The following FAF1 variants were observed in gnomAD, a reference collection of about 807,000 sequenced individuals.
FAF1 encodes the protein Fas associated factor 1.
A neutral mutation model predicts 92.5 loss-of-function variants in FAF1; 25 were observed. That is an observed-to-expected ratio of 0.27 (90% CI 0.20 to 0.38). The LOEUF is 0.38. Among genes scored for constraint, FAF1 ranks in the 10% least tolerant of loss-of-function variants. The pLI, the probability that FAF1 is intolerant of heterozygous loss-of-function variation, is 1.00. For missense variants in FAF1, 636 were observed against 793.3 expected, an observed-to-expected ratio of 0.80 and a Z score of 2.38; for synonymous variants, 234 against 273.2, an observed-to-expected ratio of 0.86 and a Z score of 1.42.
intron 15 of FAF1, among the ~76,000 whole-genome samples, chr1:50,530,200 C>A (rs1475344750): frequency 6.6e-6 from 1 of 150,628 alleles, no homozygotes; most frequent in African/African-American, 2.4e-5. Context: ...CTTAACAGAA[C>A]TACTGACCAG....
chr1:50,721,256 G>C (rs1297488312), intron 6 of FAF1, among the ~76,000 whole-genome samples: 1 of 151,568 alleles, frequency 6.6e-6, no homozygotes, highest in South Asian at 2.1e-4. Flanking sequence ...TAAGTGAGAC[G>C]AGTCTCACTC....
chr1:50,757,038 T>A (rs74683936), intron 4 of FAF1, among the ~76,000 whole-genome samples: 1 of 152,228 alleles, frequency 6.6e-6, no homozygotes, highest in Non-Finnish European at 1.5e-5. Flanking sequence ...TTTAGGAATA[T>A]GTTGTTTAAT....
At chr1:50,825,599 G>C (rs1644089278) in intron 2 of FAF1, among the ~76,000 whole-genome samples, 1 of 151,870 alleles carries the variant, frequency 6.6e-6, no homozygotes, top group Non-Finnish European at 1.5e-5. Flanking sequence ...ATATCTACCA[G>C]TAATTGATAG....
intron 1 of FAF1, among the ~76,000 whole-genome samples, chr1:50,912,193 A>G (rs2124723429): frequency 6.6e-6 from 1 of 152,338 alleles, no homozygotes; most frequent in South Asian, 2.1e-4. Flanking sequence ...TAGACAAGTC[A>G]CTATTACAGA....
intron 4 of FAF1, among the ~76,000 whole-genome samples, chr1:50,775,479 G>A (rs1660923868): frequency 6.6e-6 from 1 of 152,062 alleles, no homozygotes; most frequent in Non-Finnish European, 1.5e-5. Flanking sequence ...TGTCCAGAAA[G>A]GTTAGGAAAG....
chr1:50,858,045 G>C, intron 1 of FAF1, 48 bp from the exon 2 acceptor site: 1 of 1,359,860 alleles, frequency 7.4e-7, no homozygotes, highest in Non-Finnish European at 1.0e-6. Context: ...TAGAAATAGG[G>C]AGGTAAATCA....
chr1:50,476,385 T>C (rs1232497041), intron 17 of FAF1, among the ~76,000 whole-genome samples: 1 of 152,232 alleles, frequency 6.6e-6, no homozygotes. Flanking sequence ...GCTATGGGAT[T>C]TGGCCAAATC....
intron 1 of FAF1, among the ~76,000 whole-genome samples, chr1:50,943,996 TC>T (rs1401696317): frequency 6.6e-6 from 1 of 152,208 alleles, no homozygotes; most frequent in Non-Finnish European, 1.5e-5. Context: ...GAACAGTGAG[TC>T]TAGTCCTTGT....
chr1:50,693,417 CCA>C (rs1657027321), intron 7 of FAF1, among the ~76,000 whole-genome samples: 1 of 152,000 alleles, frequency 6.6e-6, no homozygotes, highest in Admixed American at 6.6e-5. Context: ...TATGCTGGTT[CCA>C]CAGTCTTAAT....
intron 13 of FAF1, among the ~76,000 whole-genome samples, chr1:50,565,204 G>A (rs75101698): frequency 0.012 from 1,761 of 152,138 alleles, 12 homozygotes; most frequent in Non-Finnish European, 0.017. Flanking sequence ...GAATAAGGAT[G>A]CCAAGTATCT....
At chr1:50,508,299 T>TC (rs1262795971) in intron 15 of FAF1, among the ~76,000 whole-genome samples, 3 of 152,238 alleles carry the variant, frequency 2.0e-5, no homozygotes, top group Admixed American at 6.5e-5. Flanking sequence ...GTTCACTGCA[T>TC]CATTATTCAC....
At chr1:50,597,157 C>A (rs1457887962) in intron 8 of FAF1, among the ~76,000 whole-genome samples, 7 of 152,094 alleles carry the variant, frequency 4.6e-5, no homozygotes, top group Non-Finnish European at 1.0e-4. Context: ...GGTGGCTCAA[C>A]AAACATTACT....
rs1042929424 is a variant in FAF1 at position 50,760,883 on chromosome 1, A to T, written c.368-16108T>A. 3.5e-4 allele frequency among the ~76,000 whole-genome samples: 54 copies of T among 152,250 alleles called. 4 individuals are homozygous for T. The highest frequency in any genetic ancestry group is 1.3e-3 in the African/African-American group (53 of 41,580). Reference sequence around the variant, plus strand: ...AGAGACACAAAAAACCCTTCAAAAAATTAATGAATCCAGGAGCTGGTTTTT... The same window carrying T: ...AGAGACACAAAAAACCCTTCAAAAATTTAATGAATCCAGGAGCTGGTTTTT... On this transcript the variant is annotated intron_variant, in intron 4 of 18. Coordinates refer to ENST00000396153, the MANE Select transcript of FAF1 (RefSeq NM_007051.3).
intron 1 of FAF1, among the ~76,000 whole-genome samples, chr1:50,931,810 C>T (rs1376126702): frequency 6.6e-6 from 1 of 151,350 alleles, no homozygotes; most frequent in East Asian, 1.9e-4. Flanking sequence ...GGAGGCAGAG[C>T]TTGAAGTAAG....
intron 7 of FAF1, among the ~76,000 whole-genome samples, chr1:50,689,408 C>A (rs1035705823): frequency 6.6e-6 from 1 of 152,052 alleles, no homozygotes; most frequent in African/African-American, 2.4e-5. Context: ...CACAGTGAAA[C>A]CCCGTCTCTA....
At chr1:50,500,773 T>C (rs889384112) in intron 15 of FAF1, among the ~76,000 whole-genome samples, 1 of 152,038 alleles carries the variant, frequency 6.6e-6, no homozygotes, top group Non-Finnish European at 1.5e-5. Context: ...TATGTATCCA[T>C]AAAAGTAAAA....
chr1:50,576,272 G>T (rs1371254315), intron 12 of FAF1, among the ~76,000 whole-genome samples: 3 of 152,212 alleles, frequency 2.0e-5, no homozygotes, highest in Middle Eastern at 3.4e-3. Context: ...ATTAGACATA[G>T]GCTCATTACT....
intron 7 of FAF1, among the ~76,000 whole-genome samples, chr1:50,671,529 T>C (rs959840809): frequency 6.6e-6 from 1 of 152,210 alleles, no homozygotes; most frequent in African/African-American, 2.4e-5. Context: ...GAATTAGATG[T>C]TACTGTAATA....
Position 50,644,887 on chromosome 1 carries a change from A to G in FAF1, c.744+10555T>C, listed in dbSNP as rs146177591. 7.2e-3 allele frequency among the ~76,000 whole-genome samples: 1,101 copies of G among 152,326 alleles called. 19 individuals are homozygous for G. Among genetic ancestry groups the G allele is most frequent in the African/African-American group, 0.025 (1,028 of 41,574 alleles). On this transcript the variant is annotated intron_variant, in intron 8 of 18. Transcript: ENST00000396153. ...AGGTCTTAGTGCTTGTAAGTTTCCA[A>G]CTGGGGCTGTCTTGCTTCCATGTGT... is the stretch of plus-strand genomic sequence containing the variant.
Sources: allele counts gnomAD v4.1 joint callset (sites outside exome capture counted in the v4.1 genomes callset), GRCh38; gene constraint gnomAD v4.1.1; transcripts MANE v1.5; gene names NCBI Gene and HGNC (gene_info 2026-07-23, HGNC 2026-07-21).